Variants in FBN2 observed in about 807,000 individuals in gnomAD.
FBN2 encodes fibrillin 2, also known as fibrillin-2.
A neutral mutation model predicts 355.6 loss-of-function variants in FBN2; 105 were observed. The ratio of observed to expected loss-of-function variants is 0.30; its 90% CI spans 0.25 to 0.35. The LOEUF (loss-of-function observed/expected upper bound fraction) is 0.35. FBN2 is among the 10% of genes least tolerant of loss of function. FBN2 has a pLI of 1.00. For synonymous variants in FBN2, 1,350 were observed against 1,301.2 expected (o/e 1.04, Z -0.81); for missense variants, 3,280 against 3,758.7 (o/e 0.87, Z 3.33).
At chr5:128,322,603 G>A (rs1750412484) in intron 34 of FBN2, among the ~76,000 whole-genome samples, 1 of 151,992 alleles carries the variant, frequency 6.6e-6, no homozygotes, top group Admixed American at 6.6e-5. Context: ...GTAGATGTGT[G>A]GTATTATTTC....
intron 7 of FBN2, among the ~76,000 whole-genome samples, chr5:128,428,728 A>G (rs1467898143): frequency 2.6e-5 from 4 of 152,232 alleles, no homozygotes; most frequent in Non-Finnish European, 5.9e-5. Context: ...TTATGAAAGC[A>G]AAGATTTTGA....
chr5:128,476,676 AT>A (rs1021153277), intron 5 of FBN2, among the ~76,000 whole-genome samples: 8 of 152,150 alleles, frequency 5.3e-5, no homozygotes, highest in African/African-American at 1.4e-4. Context: ...CAAAAAAAAA[AT>A]AAATAAGAAC....
At chr5:128,337,573 G>C (rs532382908) in intron 27 of FBN2, among the ~76,000 whole-genome samples, 47 of 152,338 alleles carry the variant, frequency 3.1e-4, no homozygotes, top group Non-Finnish European at 5.9e-4. Context: ...TGAGAAGTGG[G>C]TTAAGGGAGC....
At chr5:128,315,474 C>G (rs924184757) in intron 36 of FBN2, among the ~76,000 whole-genome samples, 1 of 152,138 alleles carries the variant, frequency 6.6e-6, no homozygotes, top group African/African-American at 2.4e-5. Context: ...CATAAAAATG[C>G]AATACCCAAA....
chr5:128,510,573 T>C (rs753502403), intron 5 of FBN2, among the ~76,000 whole-genome samples: 2 of 152,242 alleles, frequency 1.3e-5, no homozygotes, highest in Admixed American at 1.3e-4. Context: ...CCTGTTAGTC[T>C]ATCTTGGCTA....
At chr5:128,276,287 G>A (rs1287840077) in intron 58 of FBN2, 127 bp from the exon 59 acceptor site, 3 of 918,066 alleles carry the variant, frequency 3.3e-6, no homozygotes, top group Non-Finnish European at 5.2e-6. Context: ...TATAGCCAGA[G>A]AGAAATGATG....
intron 19 of FBN2, among the ~76,000 whole-genome samples, chr5:128,358,396 A>G (rs1425792461): frequency 6.6e-6 from 1 of 152,120 alleles, no homozygotes; most frequent in African/African-American, 2.4e-5. Context: ...GTTCACAAGA[A>G]TACTTTTTCT....
rs1377789887 is a variant in FBN2 at position 128,530,611 on chromosome 5, G to T, written c.420C>A (p.Thr140=). 5 of 1,610,648 alleles carry T rather than the reference G, an allele frequency of 3.1e-6. No homozygotes were observed. The South Asian group carries it at 4.4e-5, about 14-fold the overall frequency. Reference sequence around the variant, plus strand: ...GAAACATACTTGATTTTGATCCACAGGTTGATGATATTTGCCCACTGGAAC... The same window carrying T: ...GAAACATACTTGATTTTGATCCACATGTTGATGATATTTGCCCACTGGAAC... ...CTCSSGQISS[T]CGSKSIQQCS... The change falls in exon 3 of 65, where the codon ACC becomes ACA. Residue 140 remains threonine (T), a synonymous_variant. Coordinates refer to ENST00000262464, the MANE Select transcript of FBN2 (RefSeq NM_001999.4).
chr5:128,490,954 CTT>C (rs1416237037), intron 5 of FBN2, among the ~76,000 whole-genome samples: 4 of 152,128 alleles, frequency 2.6e-5, no homozygotes, highest in African/African-American at 7.2e-5. Flanking sequence ...ACAGAGTGCT[CTT>C]GAGTTTGCTC....
In FBN2 at chr5:128,447,610, C is replaced by T. The variant is rs1250941540; in HGVS notation, c.827-1004G>A. On this transcript the variant is annotated intron_variant, in intron 6 of 64. Transcript: ENST00000262464. ...TTCATTAGCAATTTTAATTTCGGCCCGGTCCTGCGATCTTGCCCTGCCTCC... is the reference window on the plus strand; with the variant it reads ...TTCATTAGCAATTTTAATTTCGGCCTGGTCCTGCGATCTTGCCCTGCCTCC... 6.6e-5 allele frequency among the ~76,000 whole-genome samples: 10 copies of T among 152,278 alleles called. No homozygotes were observed. The South Asian group carries it at 1.2e-3, about 19-fold the overall frequency.
chr5:128,483,898 C>T (rs1347861185), intron 5 of FBN2, among the ~76,000 whole-genome samples: 1 of 152,146 alleles, frequency 6.6e-6, no homozygotes, highest in Non-Finnish European at 1.5e-5. Context: ...GTAGAGACTA[C>T]TTAACCGCAT....
rs1749995878 is a variant in FBN2 at position 128,310,216 on chromosome 5, T to C, written c.5075-108A>G. 6 of 955,378 alleles carry C rather than the reference T, an allele frequency of 6.3e-6. No individual in the cohort carries two copies. In the African/African-American group the frequency reaches 6.5e-5, roughly 10 times the overall value. 59.2% of individuals were successfully genotyped at this position (955,378 alleles called of 1,614,324 possible). ...AGGTGATTCTCTAAATCCCCATTTA[T>C]GCAAAACTTAGAAATAAAGAAAATA... On this transcript the variant is annotated intron_variant, in intron 39 of 64. Transcript: ENST00000262464.
intron 35 of FBN2, among the ~76,000 whole-genome samples, chr5:128,318,581 T>C (rs1321052850): frequency 2.0e-5 from 3 of 150,706 alleles, no homozygotes; most frequent in African/African-American, 7.3e-5. Flanking sequence ...TATACATGTA[T>C]ATATATATAT....
chr5:128,524,868 CA>C (rs1756523735), intron 4 of FBN2, among the ~76,000 whole-genome samples: 1 of 152,154 alleles, frequency 6.6e-6, no homozygotes, highest in Non-Finnish European at 1.5e-5. Context: ...ACCTAGAGAA[CA>C]AATGTTCAGT....
intron 11 of FBN2, 112 bp from the exon 12 acceptor site, chr5:128,379,002 C>G: frequency 8.7e-7 from 1 of 1,147,424 alleles, no homozygotes; most frequent in South Asian, 1.2e-5. Flanking sequence ...TGGTAATAGT[C>G]TAAATAGCGA....
chr5:128,371,513 T>A (rs60163237), intron 15 of FBN2, among the ~76,000 whole-genome samples: 16,263 of 120,344 alleles, frequency 0.14, 1,196 homozygotes, highest in African/African-American at 0.25. Context: ...CCCTCCATCC[T>A]TCCTTCCTTC....
chr5:128,357,552 T>C (rs994543277), intron 19 of FBN2, among the ~76,000 whole-genome samples, 157 bp from the exon 20 acceptor site: 3 of 152,190 alleles, frequency 2.0e-5, no homozygotes, highest in African/African-American at 7.2e-5. Flanking sequence ...AATGGAGACA[T>C]GCATTTTACA....
intron 27 of FBN2, among the ~76,000 whole-genome samples, chr5:128,337,569 G>A (rs1460065672): frequency 6.6e-6 from 1 of 152,240 alleles, no homozygotes; most frequent in Non-Finnish European, 1.5e-5. Context: ...TCCATGAGAA[G>A]TGGGTTAAGG....
intron 23 of FBN2, among the ~76,000 whole-genome samples, chr5:128,348,446 T>C (rs1448940236): frequency 6.6e-6 from 1 of 152,124 alleles, no homozygotes; most frequent in Non-Finnish European, 1.5e-5. Flanking sequence ...GATTTAAATG[T>C]GCTATCAAAA....
Sources: gnomAD v4.1 joint callset for allele counts (sites outside exome capture counted in the v4.1 genomes callset) on GRCh38, gnomAD v4.1.1 for gene constraint, MANE v1.5 for transcripts, NCBI Gene and HGNC (gene_info 2026-07-23, HGNC 2026-07-21) for gene names.